Variants in DIP2C observed in about 807,000 individuals in gnomAD.
DIP2C encodes DIP2 acetate--CoA ligase C (putative).
A neutral mutation model predicts 192.4 loss-of-function variants in DIP2C; 33 were observed. That is an observed-to-expected ratio of 0.17 (90% CI 0.13 to 0.23). The LOEUF (loss-of-function observed/expected upper bound fraction) is 0.23. DIP2C is among the 10% of genes least tolerant of loss of function. DIP2C has a pLI of 1.00. For synonymous variants in DIP2C, 979 were observed against 864.1 expected (o/e 1.13, Z -2.33); for missense variants, 1,537 against 2,110.1 (o/e 0.73, Z 5.32).
At chr10:336,140 G>A (rs529853558) in intron 29 of DIP2C, among the ~76,000 whole-genome samples, 2 of 152,308 alleles carry the variant, frequency 1.3e-5, no homozygotes, top group South Asian at 4.1e-4. Context: ...AGGCTGAGGT[G>A]GGAGGATAGC....
intron 3 of DIP2C, among the ~76,000 whole-genome samples, chr10:469,315 A>ATT (rs11348709): frequency 4.5e-4 from 46 of 102,280 alleles, no homozygotes; most frequent in African/African-American, 1.4e-3. Flanking sequence ...ACTGGTACTG[A>ATT]TTTTTTTTTT....
chr10:278,778 A>G (rs1377828167), intron 36 of DIP2C, among the ~76,000 whole-genome samples: 1 of 152,200 alleles, frequency 6.6e-6, no homozygotes, highest in African/African-American at 2.4e-5. Flanking sequence ...GGTGCTTTAC[A>G]GTTTAAAGGA....
intron 1 of DIP2C, among the ~76,000 whole-genome samples, chr10:584,933 C>T (rs1588524527): frequency 8.0e-6 from 1 of 125,512 alleles, no homozygotes; most frequent in Admixed American, 8.2e-5. Flanking sequence ...CCCACTCACG[C>T]GCATCACCTC....
intron 1 of DIP2C, among the ~76,000 whole-genome samples, chr10:590,871 G>A (rs979654291): frequency 2.6e-5 from 4 of 152,302 alleles, no homozygotes; most frequent in African/African-American, 4.8e-5. Context: ...CCCTCCAGCA[G>A]GAGTCCAGGA....
At chr10:648,553 C>G (rs900568396) in intron 1 of DIP2C, among the ~76,000 whole-genome samples, 1 of 151,646 alleles carries the variant, frequency 6.6e-6, no homozygotes, top group African/African-American at 2.4e-5. Context: ...ACTGAGTCCA[C>G]GTCCACATTT....
At chr10:632,460 C>T (rs572050929) in intron 1 of DIP2C, among the ~76,000 whole-genome samples, 48 of 116,954 alleles carry the variant, frequency 4.1e-4, no homozygotes, top group African/African-American at 1.2e-3. Context: ...TCAGACCCGA[C>T]GGCCAGCACC....
At chr10:406,955 G>T (rs1487076573) in intron 9 of DIP2C, among the ~76,000 whole-genome samples, 2 of 151,926 alleles carry the variant, frequency 1.3e-5, no homozygotes, top group East Asian at 3.9e-4. Flanking sequence ...GAAAAACTCA[G>T]TTCGACCCCC....
At chr10:648,959 G>C (rs1279709577) in intron 1 of DIP2C, among the ~76,000 whole-genome samples, 1 of 148,866 alleles carries the variant, frequency 6.7e-6, no homozygotes, top group East Asian at 2.0e-4. Context: ...CTGAGTCCAC[G>C]TCCACATTTG....
chr10:379,130 G>A (rs545393611), intron 17 of DIP2C, among the ~76,000 whole-genome samples: 4 of 145,932 alleles, frequency 2.7e-5, no homozygotes, highest in South Asian at 4.4e-4. Flanking sequence ...CGGCCCAGGC[G>A]CCAGCCTGCT....
intron 1 of DIP2C, among the ~76,000 whole-genome samples, chr10:604,661 T>TA (rs1179831694): frequency 2.0e-5 from 3 of 152,264 alleles, no homozygotes; most frequent in African/African-American, 7.2e-5. Context: ...TTATAGTTTT[T>TA]ATCCAAAAAG....
intron 29 of DIP2C, among the ~76,000 whole-genome samples, chr10:339,680 A>C (rs1430252033): frequency 6.6e-6 from 1 of 152,050 alleles, no homozygotes; most frequent in Non-Finnish European, 1.5e-5. Context: ...GTTCTGAGCG[A>C]TTTTCCAAGA....
intron 1 of DIP2C, among the ~76,000 whole-genome samples, chr10:512,837 C>T (rs1307608716): frequency 6.9e-6 from 1 of 144,670 alleles, no homozygotes; most frequent in Non-Finnish European, 1.5e-5. Context: ...TCACTTCAGC[C>T]TGGGAGGTGG....
chr10:526,406 G>T (rs1167789339), intron 1 of DIP2C, among the ~76,000 whole-genome samples: 4 of 152,016 alleles, frequency 2.6e-5, no homozygotes, highest in African/African-American at 9.7e-5. Flanking sequence ...CAGGTGTTTA[G>T]GTTCATACCA....
At chr10:534,919 A>ACC (rs1182754768) in intron 1 of DIP2C, among the ~76,000 whole-genome samples, 5 of 146,884 alleles carry the variant, frequency 3.4e-5, no homozygotes, top group African/African-American at 5.1e-5. Context: ...CTCATGATCC[A>ACC]CCCGCCTCGG....
At chr10:464,576 C>A (rs1445343637) in intron 3 of DIP2C, among the ~76,000 whole-genome samples, 1 of 152,050 alleles carries the variant, frequency 6.6e-6, no homozygotes, top group East Asian at 1.9e-4. Context: ...TGTGGTGATT[C>A]CTCAAGGATC....
chr10:457,894 G>A lies in DIP2C; in HGVS notation c.268+14545C>T, dbSNP rs371323211. On this transcript the variant is annotated intron_variant, in intron 3 of 36. Coordinates refer to ENST00000280886, the MANE Select transcript of DIP2C (RefSeq NM_014974.3). ...GTAGTGTGGGACATCTTTATGCTGCGTCCTCAGCTGTGCCTGTGGCCTCTC... is the reference window on the plus strand; with the variant it reads ...GTAGTGTGGGACATCTTTATGCTGCATCCTCAGCTGTGCCTGTGGCCTCTC... Among the ~76,000 whole-genome samples, 14 of 152,260 alleles carry A rather than the reference G, an allele frequency of 9.2e-5. No homozygotes were observed. The East Asian group carries it at 9.7e-4, about 11-fold the overall frequency.
At chr10:519,779 G>A (rs1418340434) in intron 1 of DIP2C, among the ~76,000 whole-genome samples, 4 of 152,230 alleles carry the variant, frequency 2.6e-5, no homozygotes, top group Admixed American at 6.5e-5. Context: ...AGTTACAAAC[G>A]GACGACGCAG....
chr10:577,812 T>C (rs977884501), intron 1 of DIP2C, among the ~76,000 whole-genome samples: 2 of 144,686 alleles, frequency 1.4e-5, no homozygotes, highest in East Asian at 4.0e-4. Context: ...TTGTTTCTTT[T>C]GTTTTTTTGT....
chr10:571,230 A>T (rs1472154498), intron 1 of DIP2C, among the ~76,000 whole-genome samples: 2 of 152,234 alleles, frequency 1.3e-5, no homozygotes, highest in African/African-American at 4.8e-5. Context: ...ACCTGACAGC[A>T]AACAGTGGCT....
Sources: gnomAD v4.1 joint callset for allele counts (sites outside exome capture counted in the v4.1 genomes callset) on GRCh38, gnomAD v4.1.1 for gene constraint, MANE v1.5 for transcripts, NCBI Gene and HGNC (gene_info 2026-07-23, HGNC 2026-07-21) for gene names.